Variants in KPNB1 observed in about 807,000 individuals in gnomAD.
KPNB1 encodes the protein importin subunit beta-1.
In KPNB1, 7 loss-of-function variants were observed where a neutral mutation model predicts 113.0. The observed-to-expected ratio is 0.06, with a 90% confidence interval of 0.04 to 0.12. KPNB1 has a LOEUF of 0.12. Among genes scored for constraint, KPNB1 ranks in the 10% least tolerant of loss-of-function variants. KPNB1 has a pLI of 1.00. For missense variants in KPNB1, 400 were observed against 1,054.8 expected (o/e 0.38, Z 8.60); for synonymous variants, 363 against 378.6 (o/e 0.96, Z 0.48).
intron 3 of KPNB1, among the ~76,000 whole-genome samples, chr17:47,654,124 G>T (rs1433811227): frequency 1.3e-5 from 2 of 152,016 alleles, no homozygotes; most frequent in Non-Finnish European, 2.9e-5. Flanking sequence ...AAAAAAATTA[G>T]ACAATAATGG....
intron 19 of KPNB1, among the ~76,000 whole-genome samples, chr17:47,678,956 C>G (rs2030692599): frequency 6.6e-6 from 1 of 151,874 alleles, no homozygotes; most frequent in South Asian, 2.1e-4. Flanking sequence ...CAGTCTCACT[C>G]TCACCCAAGC....
At chr17:47,673,310 G>A (rs1477310384) in intron 13 of KPNB1, 145 bp downstream of exon 13, 2 of 942,430 alleles carry the variant, frequency 2.1e-6, no homozygotes, top group East Asian at 2.5e-5. Context: ...AAAAAACATT[G>A]CACCTTAACG....
intron 9 of KPNB1, among the ~76,000 whole-genome samples, chr17:47,666,771 A>G (rs564355418): frequency 1.7e-3 from 254 of 151,494 alleles, no homozygotes; most frequent in African/African-American, 5.8e-3. Context: ...GGCATGCACC[A>G]CCACGCCTAG....
At chr17:47,654,415 TAAAAA>T (rs374274253) in intron 3 of KPNB1, among the ~76,000 whole-genome samples, 1 of 119,896 alleles carries the variant, frequency 8.3e-6, no homozygotes. Flanking sequence ...CTCCATTTCT[TAAAAA>T]AAAAAAAAAA....
At chr17:47,656,742 T>C in intron 3 of KPNB1, 118 bp from the exon 4 acceptor site, 1 of 977,820 alleles carries the variant, frequency 1.0e-6, no homozygotes, top group South Asian at 1.5e-5. Context: ...AGTGAGACCC[T>C]GTCTTAAGAA....
In KPNB1 at chr17:47,650,025, G is replaced by C; in HGVS notation, c.-220G>C. The C allele has an allele frequency of 1.5e-6, 2 of 1,342,434 alleles. No individual in the cohort carries two copies. The highest frequency in any genetic ancestry group is 1.9e-6 in the Non-Finnish European group (2 of 1,052,106). 83.2% of individuals were successfully genotyped at this position (1,342,434 alleles called of 1,614,324 possible). ...CTGCCCCCAGGGTCCCTCCCCCGCC[G>C]CCAGCAGCCCATTTGGAGGGAGGAA... On this transcript the variant is annotated 5_prime_UTR_variant, in exon 1 of 22. Transcript: ENST00000290158.
chr17:47,668,341 A>C lies in KPNB1; in HGVS notation c.1155A>C (p.Ala385=), dbSNP rs763352519. ...IKNPDWRYRD[A]AVMAFGCILE... ...ACCCAGATTGGCGGTACCGGGATGC[A>C]GCAGTGATGGCTTTTGGTTGTATCT... is the stretch of plus-strand genomic sequence containing the variant. Residue 385 remains alanine, a synonymous_variant, in exon 10 of 22, where the codon GCA becomes GCC. Transcript: ENST00000290158. The C allele has an allele frequency of 6.2e-7, 1 of 1,614,228 alleles. No individual in the cohort carries two copies. The highest frequency in any genetic ancestry group is 1.7e-5 in the Admixed American group (1 of 60,024).
In KPNB1 at chr17:47,671,236, A is replaced by G. The variant is rs191629792; in HGVS notation, c.1547+404A>G. The stretch of plus-strand genomic sequence containing the variant: ...TGCGCCATTGCACTCCAGCCTGGAC[A>G]ACAAGAGTGGAACTCGTCTCAAAAA... On this transcript the variant is annotated intron_variant, in intron 12 of 21. Coordinates refer to ENST00000290158, the MANE Select transcript of KPNB1 (RefSeq NM_002265.6). Among the ~76,000 whole-genome samples, 416 of 152,332 alleles carry G rather than the reference A, an allele frequency of 2.7e-3. 1 individual carries two copies. The highest frequency in any genetic ancestry group is 4.6e-3 in the Non-Finnish European group (315 of 68,034).
chr17:47,652,096 CGG>C (rs1478580241), intron 2 of KPNB1, among the ~76,000 whole-genome samples: 1 of 152,028 alleles, frequency 6.6e-6, no homozygotes, highest in Non-Finnish European at 1.5e-5. Context: ...ACAAATAAAA[CGG>C]AGGATGAGGC....
At chr17:47,669,617 GT>G in intron 10 of KPNB1, 60 bp from the exon 11 acceptor site, 16 of 1,248,328 alleles carry the variant, frequency 1.3e-5, no homozygotes, top group Non-Finnish European at 1.8e-5. Flanking sequence ...TTTCTCTGGG[GT>G]AGTAGTTAAC....
intron 19 of KPNB1, among the ~76,000 whole-genome samples, chr17:47,678,983 G>A (rs1044340971): frequency 2.6e-5 from 4 of 151,864 alleles, no homozygotes; most frequent in African/African-American, 7.3e-5. Flanking sequence ...GCAGTGGAGC[G>A]ATCACAGCTC....
chr17:47,671,105 A>C (rs1401541405), intron 12 of KPNB1, among the ~76,000 whole-genome samples: 1 of 152,160 alleles, frequency 6.6e-6, no homozygotes, highest in Non-Finnish European at 1.5e-5. Context: ...AAAATACAAA[A>C]AATTAGCCGG....
rs1462077639 is a variant in KPNB1 at position 47,675,385 on chromosome 17, G to GTTTTTT, written c.1912+606_1912+607insTTTTTT. 8.5e-5 allele frequency among the ~76,000 whole-genome samples: 7 copies of GTTTTTT among 82,108 alleles called. 1 individual carries two copies. The highest frequency in any genetic ancestry group is 1.4e-4 in the Non-Finnish European group (6 of 43,998). The allele number at this position is 82,108 out of a possible 152,430, so 53.9% of individuals were successfully genotyped here. On this transcript the variant is annotated intron_variant, in intron 15 of 21. Transcript: ENST00000290158. ...TGTTTTTTTTTTGTTTTTTTTTTTT[G>GTTTTTT]TTTGTTTTTTTTTTGAGACTTGTTC...
rs1400391383 is a variant in KPNB1 at position 47,669,787 on chromosome 17, A to G, written c.1334A>G (p.Asn445Ser). The change falls in exon 11 of 22, where the codon AAT becomes AGT. Residue 445 changes from asparagine to serine, a missense_variant. Physicochemically the swap from Asn to Ser is conservative, Grantham distance 46. Around this residue, in one of 2 missense-constraint regions of KPNB1, gnomAD observed 285 missense variants for 627.0 expected, o/e 0.45. Transcript: ENST00000290158. ...ICELLPEAAI[N>S]DVYLAPLLQC... ...GAGCTGCTTCCTGAAGCTGCCATCA[A>G]TGATGTCTACTTGGCTCCCCTGCTA... 3 of 1,614,156 alleles carry G rather than the reference A, an allele frequency of 1.9e-6. No individual in the cohort carries two copies. The highest frequency in any genetic ancestry group is 4.5e-5 in the East Asian group (2 of 44,884).
intron 12 of KPNB1, 50 bp from the exon 13 acceptor site, chr17:47,672,967 TC>T: frequency 6.4e-7 from 1 of 1,571,650 alleles, no homozygotes. Context: ...TCTATGTTCT[TC>T]CCTGTCCTTT....
chr17:47,657,604 A>C (rs2029945721), intron 4 of KPNB1, among the ~76,000 whole-genome samples: 2 of 152,224 alleles, frequency 1.3e-5, no homozygotes. Flanking sequence ...AGATGTGCCT[A>C]GGTGTCGATC....
intron 8 of KPNB1, among the ~76,000 whole-genome samples, chr17:47,664,506 G>C (rs1461154483): frequency 6.6e-6 from 1 of 152,140 alleles, no homozygotes; most frequent in African/African-American, 2.4e-5. Flanking sequence ...TATTATCACT[G>C]TGAACACAAG....
At chr17:47,668,820 T>A (rs1291584082) in intron 10 of KPNB1, among the ~76,000 whole-genome samples, 1 of 152,194 alleles carries the variant, frequency 6.6e-6, no homozygotes, top group East Asian at 1.9e-4. Context: ...TTCCCCATAA[T>A]TTTTAATAAT....
At chr17:47,679,899 G>A (rs1213623856) in intron 19 of KPNB1, 121 bp from the exon 20 acceptor site, 26 of 651,428 alleles carry the variant, frequency 4.0e-5, no homozygotes, top group Non-Finnish European at 6.6e-5. Context: ...GGGTTTCACC[G>A]AGTTAGCCAG....
Sources: gnomAD v4.1 joint callset for allele counts (sites outside exome capture counted in the v4.1 genomes callset) on GRCh38, gnomAD v4.1.1 for gene constraint, gnomAD v4.1.1 regional missense constraint, MANE v1.5 for transcripts, NCBI Gene and HGNC (gene_info 2026-07-23, HGNC 2026-07-21) for gene names.